ADAMTS12: variants seen among roughly 807,000 people sequenced by gnomAD.
ADAMTS12 encodes the protein A disintegrin and metalloproteinase with thrombospondin motifs 12.
A neutral mutation model predicts 167.8 loss-of-function variants in ADAMTS12; 118 were observed. The observed-to-expected ratio is 0.70, with a 90% CI of 0.61 to 0.82. ADAMTS12 has a LOEUF of 0.82. ADAMTS12 is among the 40% of genes least tolerant of loss of function. The pLI is 0.00. For synonymous variants in ADAMTS12, 704 were observed against 716.9 expected, an observed-to-expected ratio of 0.98 and a Z score of 0.29; for missense variants, 1,916 against 1,998.8, an observed-to-expected ratio of 0.96 and a Z score of 0.79.
At chr5:33,695,633 C>A (rs72741435) in intron 3 of ADAMTS12, among the ~76,000 whole-genome samples, 4,916 of 152,172 alleles carry the variant, frequency 0.032, 126 homozygotes, top group Non-Finnish European at 0.049. Context: ...ACATGAGGTA[C>A]CTTGTGTAGT....
chr5:33,574,234 A>G (rs1388073160), intron 19 of ADAMTS12, among the ~76,000 whole-genome samples: 2 of 152,064 alleles, frequency 1.3e-5, no homozygotes, highest in African/African-American at 4.8e-5. Flanking sequence ...TGACCCAGCA[A>G]TCCCATTACT....
chr5:33,860,130 C>T (rs2111687110), intron 2 of ADAMTS12, among the ~76,000 whole-genome samples: 1 of 152,232 alleles, frequency 6.6e-6, no homozygotes, highest in Admixed American at 6.5e-5. Context: ...AACTCCTTGC[C>T]AGCAAGGGAA....
At chr5:33,566,310 A>T (rs77173812) in intron 19 of ADAMTS12, among the ~76,000 whole-genome samples, 2,598 of 152,208 alleles carry the variant, frequency 0.017, 66 homozygotes, top group African/African-American at 0.06. Flanking sequence ...AAAAAATAAT[A>T]AAAAAATTAT....
chr5:33,592,018 C>G (rs185293935), intron 17 of ADAMTS12, among the ~76,000 whole-genome samples: 1 of 151,546 alleles, frequency 6.6e-6, no homozygotes, highest in African/African-American at 2.4e-5. Flanking sequence ...GTCGGGAGTT[C>G]GAGACCAGCC....
chr5:33,527,927 C>T (rs1743901766), intron 23 of ADAMTS12, among the ~76,000 whole-genome samples: 1 of 152,092 alleles, frequency 6.6e-6, no homozygotes, highest in South Asian at 2.1e-4. Flanking sequence ...GCAAAAAATA[C>T]ATGACTGTGC....
chr5:33,805,658 T>A (rs973098582), intron 2 of ADAMTS12, among the ~76,000 whole-genome samples: 1 of 152,242 alleles, frequency 6.6e-6, no homozygotes, highest in Non-Finnish European at 1.5e-5. Flanking sequence ...TTTTTGTGTC[T>A]ACTTTGATAA....
chr5:33,635,894 A>G (rs1740170347), intron 12 of ADAMTS12, among the ~76,000 whole-genome samples: 1 of 152,188 alleles, frequency 6.6e-6, no homozygotes, highest in Non-Finnish European at 1.5e-5. Context: ...GAATCTGTAA[A>G]GAAACTACCG....
chr5:33,552,446 T>C (rs1046568196), intron 20 of ADAMTS12, among the ~76,000 whole-genome samples: 1 of 152,244 alleles, frequency 6.6e-6, no homozygotes, highest in African/African-American at 2.4e-5. Context: ...GTCATAAATG[T>C]ATGAGATCAC....
At chr5:33,578,062 T>C (rs1246450899) in intron 18 of ADAMTS12, among the ~76,000 whole-genome samples, 1 of 152,168 alleles carries the variant, frequency 6.6e-6, no homozygotes, top group Non-Finnish European at 1.5e-5. Context: ...AATCCGTACT[T>C]TTACCAAATG....
chr5:33,633,834 G>C (rs1740071207), intron 12 of ADAMTS12, among the ~76,000 whole-genome samples: 1 of 152,102 alleles, frequency 6.6e-6, no homozygotes, highest in African/African-American at 2.4e-5. Flanking sequence ...TACTTTCCTT[G>C]TCTCACATTT....
intron 2 of ADAMTS12, among the ~76,000 whole-genome samples, chr5:33,762,534 G>T (rs1176673305): frequency 1.3e-5 from 2 of 151,594 alleles, no homozygotes; most frequent in Non-Finnish European, 2.9e-5. Context: ...ATAAATAAAG[G>T]AAAGAAAGAA....
chr5:33,753,575 C>T (rs1745073647), intron 2 of ADAMTS12, among the ~76,000 whole-genome samples: 1 of 151,982 alleles, frequency 6.6e-6, no homozygotes, highest in African/African-American at 2.4e-5. Context: ...GCTATCAGCC[C>T]AATACTGATG....
intron 12 of ADAMTS12, among the ~76,000 whole-genome samples, chr5:33,631,429 C>T (rs1739926009): frequency 6.6e-6 from 1 of 152,064 alleles, no homozygotes; most frequent in Admixed American, 6.6e-5. Flanking sequence ...AACAAATATC[C>T]TCCTCCAGTC....
intron 3 of ADAMTS12, among the ~76,000 whole-genome samples, chr5:33,713,501 G>A (rs1471220522): frequency 6.6e-6 from 1 of 152,018 alleles, no homozygotes; most frequent in Non-Finnish European, 1.5e-5. Context: ...AAAACCACAA[G>A]ATATCACAAA....
intron 2 of ADAMTS12, among the ~76,000 whole-genome samples, chr5:33,854,264 C>T (rs1223104560): frequency 1.3e-5 from 2 of 152,168 alleles, no homozygotes; most frequent in East Asian, 1.9e-4. Context: ...TTTAAGCTCC[C>T]TACCTGTGAT....
chr5:33,629,363 A>G (rs1408566973), intron 13 of ADAMTS12, among the ~76,000 whole-genome samples: 1 of 132,428 alleles, frequency 7.6e-6, no homozygotes, highest in South Asian at 2.4e-4. Context: ...GGAAAAACAT[A>G]TTATAAATAT....
At chr5:33,863,090 T>C (rs1181866823) in intron 2 of ADAMTS12, among the ~76,000 whole-genome samples, 1 of 152,208 alleles carries the variant, frequency 6.6e-6, no homozygotes, top group African/African-American at 2.4e-5. Flanking sequence ...AATATCATAC[T>C]GAATGGGCAA....
intron 2 of ADAMTS12, among the ~76,000 whole-genome samples, chr5:33,769,835 T>C (rs1745677113): frequency 6.6e-6 from 1 of 152,200 alleles, no homozygotes. Context: ...TCTCAGGTTT[T>C]GCAGCTGAAA....
At chr5:33,639,210 T>A (rs76882226) in intron 11 of ADAMTS12, among the ~76,000 whole-genome samples, 1 of 152,062 alleles carries the variant, frequency 6.6e-6, no homozygotes, top group South Asian at 2.1e-4. Flanking sequence ...ACTGAGAGCA[T>A]TTTTTTTGGT....
Sources: gnomAD v4.1 joint callset for allele counts (sites outside exome capture counted in the v4.1 genomes callset) on GRCh38, gnomAD v4.1.1 for gene constraint, MANE v1.5 for transcripts, NCBI Gene and HGNC (gene_info 2026-07-23, HGNC 2026-07-21) for gene names.